CYP39A1: variants seen among roughly 807,000 people sequenced by gnomAD.
The protein encoded by CYP39A1 is cytochrome P450 family 39 subfamily A member 1.
Under a neutral mutation model 58.1 loss-of-function variants are expected in CYP39A1, and 49 were observed. The ratio of observed to expected loss-of-function variants is 0.84; its 90% CI spans 0.67 to 1.07. The LOEUF (loss-of-function observed/expected upper bound fraction) is 1.07, where lower values mean the gene tolerates loss of function less well. Among genes scored for constraint, CYP39A1 ranks in the 50% least tolerant of loss-of-function variants. The pLI is 0.00. For synonymous variants in CYP39A1, 209 were observed against 187.6 expected (o/e 1.11, Z -0.93); for missense variants, 531 against 539.4 (o/e 0.98, Z 0.16).
At chr6:46,574,151 C>T (rs1166069941) in intron 10 of CYP39A1, among the ~76,000 whole-genome samples, 1 of 152,156 alleles carries the variant, frequency 6.6e-6, no homozygotes, top group Non-Finnish European at 1.5e-5. Context: ...TTATCAGCTT[C>T]AGCATAATAT....
chr6:46,631,852 G>A (rs572373951), intron 5 of CYP39A1, among the ~76,000 whole-genome samples: 16 of 152,240 alleles, frequency 1.1e-4, no homozygotes, highest in South Asian at 8.3e-4. Context: ...TTTCTTCATC[G>A]GGCGGTTTCC....
chr6:46,572,361 T>C (rs953238281), intron 10 of CYP39A1, among the ~76,000 whole-genome samples: 1 of 152,162 alleles, frequency 6.6e-6, no homozygotes, highest in Non-Finnish European at 1.5e-5. Context: ...GGTATAGTAG[T>C]GATGAACTCC....
chr6:46,552,248 G>T (rs917533637), intron 11 of CYP39A1, among the ~76,000 whole-genome samples: 2 of 152,088 alleles, frequency 1.3e-5, no homozygotes, highest in Non-Finnish European at 2.9e-5. Flanking sequence ...CAACTCAGTG[G>T]ATCAGGAACT....
chr6:46,593,135 A>C (rs1772942817), intron 8 of CYP39A1, among the ~76,000 whole-genome samples: 1 of 152,166 alleles, frequency 6.6e-6, no homozygotes, highest in Non-Finnish European at 1.5e-5. Context: ...GATTTACACT[A>C]TGCTGAAACT....
At position 46,588,755 on chromosome 6, in the gene CYP39A1, G is replaced by A. The variant is rs937131092; in HGVS notation, c.1066-626C>T. ...GTTAGGAAGACACAGGAAAAGGCAAGTGTTGTGTATTTGTTTGGTTGGGTT... is the reference window on the plus strand; with the variant it reads ...GTTAGGAAGACACAGGAAAAGGCAAATGTTGTGTATTTGTTTGGTTGGGTT... On this transcript the variant is annotated intron_variant, in intron 8 of 11. Coordinates refer to ENST00000275016, the MANE Select transcript of CYP39A1 (RefSeq NM_016593.5). Among the ~76,000 whole-genome samples the A allele has an allele frequency of 2.0e-5, 3 of 152,304 alleles. No homozygotes were observed. In the East Asian group the frequency reaches 5.8e-4, roughly 29 times the overall value.
At chr6:46,622,570 T>A (rs1175499973) in intron 7 of CYP39A1, among the ~76,000 whole-genome samples, 1 of 151,966 alleles carries the variant, frequency 6.6e-6, no homozygotes, top group East Asian at 1.9e-4. Context: ...CTATGATCAT[T>A]CCACTGTACT....
At chr6:46,614,885 C>G (rs545562967) in intron 7 of CYP39A1, among the ~76,000 whole-genome samples, 4 of 152,194 alleles carry the variant, frequency 2.6e-5, no homozygotes, top group Non-Finnish European at 5.9e-5. Flanking sequence ...GACACTGCCA[C>G]TGATGTCAAG....
intron 6 of CYP39A1, among the ~76,000 whole-genome samples, chr6:46,627,750 A>T (rs76699072): frequency 0.079 from 11,948 of 152,170 alleles, 1,532 homozygotes; most frequent in African/African-American, 0.27. Flanking sequence ...TACAGTTTTT[A>T]AAATTTTTTC....
chr6:46,610,027 G>A (rs572847395), intron 7 of CYP39A1, among the ~76,000 whole-genome samples: 6 of 152,176 alleles, frequency 3.9e-5, no homozygotes, highest in South Asian at 4.1e-4. Flanking sequence ...CGCTATCCCC[G>A]CAAATTCTTT....
At chr6:46,627,123 A>T (rs768206318) in intron 6 of CYP39A1, among the ~76,000 whole-genome samples, 65 of 152,140 alleles carry the variant, frequency 4.3e-4, no homozygotes, top group Non-Finnish European at 7.3e-4. Context: ...AAAGCATCAG[A>T]TATTATGAGA....
chr6:46,570,523 G>A (rs1183383840), intron 10 of CYP39A1, among the ~76,000 whole-genome samples: 1 of 152,026 alleles, frequency 6.6e-6, no homozygotes, highest in Non-Finnish European at 1.5e-5. Flanking sequence ...TTGGTATGTT[G>A]TTGTGTTCGT....
chr6:46,556,441 A>G (rs1460639635), intron 10 of CYP39A1, among the ~76,000 whole-genome samples: 1 of 152,200 alleles, frequency 6.6e-6, no homozygotes, highest in East Asian at 1.9e-4. Context: ...ATAGGAGTCT[A>G]CTTGAGTATT....
rs1166348899 is a variant in CYP39A1, at chr6:46,613,631, C to T, written c.931+11787G>A. 2.7e-5 allele frequency among the ~76,000 whole-genome samples: 4 copies of T among 150,720 alleles called. No individual in the cohort carries two copies. The East Asian group carries it at 7.8e-4, about 29-fold the overall frequency. ...TAAAATGGGTGCATGTGTATGCTATCCTATGTTAAAAAGCATAGGTGGAAA... is the reference window on the plus strand; with the variant it reads ...TAAAATGGGTGCATGTGTATGCTATTCTATGTTAAAAAGCATAGGTGGAAA... On this transcript the variant is annotated intron_variant, in intron 7 of 11. Coordinates refer to ENST00000275016, the MANE Select transcript of CYP39A1 (RefSeq NM_016593.5).
chr6:46,594,060 G>T (rs1238554482), intron 8 of CYP39A1, among the ~76,000 whole-genome samples: 5 of 151,988 alleles, frequency 3.3e-5, no homozygotes, highest in Non-Finnish European at 5.9e-5. Flanking sequence ...ATTCATGTTG[G>T]TTGAATCAGT....
chr6:46,578,300 C>T (rs1240264074), intron 10 of CYP39A1, among the ~76,000 whole-genome samples: 1 of 151,906 alleles, frequency 6.6e-6, no homozygotes, highest in African/African-American at 2.4e-5. Flanking sequence ...GTTTACAGCA[C>T]CAAATGCCTA....
intron 10 of CYP39A1, among the ~76,000 whole-genome samples, chr6:46,582,860 A>G (rs1198182132): frequency 6.6e-6 from 1 of 152,040 alleles, no homozygotes; most frequent in Non-Finnish European, 1.5e-5. Context: ...AACTCCCAGA[A>G]CCCTAACCTG....
At chr6:46,650,230 C>A (rs1200770160) in intron 1 of CYP39A1, among the ~76,000 whole-genome samples, 1 of 151,932 alleles carries the variant, frequency 6.6e-6, no homozygotes, top group Non-Finnish European at 1.5e-5. Context: ...TCCTCTCAAG[C>A]TGATCTGAAA....
intron 7 of CYP39A1, among the ~76,000 whole-genome samples, chr6:46,598,380 A>C (rs1773296134): frequency 6.6e-6 from 1 of 152,156 alleles, no homozygotes; most frequent in East Asian, 1.9e-4. Flanking sequence ...CCTATTTTTA[A>C]TGTCTGAAGA....
At chr6:46,577,855 G>A (rs187124634) in intron 10 of CYP39A1, among the ~76,000 whole-genome samples, 1 of 152,148 alleles carries the variant, frequency 6.6e-6, no homozygotes, top group East Asian at 1.9e-4. Flanking sequence ...CACACTGACA[G>A]TGTCAGACAA....
Sources: gnomAD v4.1 joint callset for allele counts (sites outside exome capture counted in the v4.1 genomes callset) on GRCh38, gnomAD v4.1.1 for gene constraint, MANE v1.5 for transcripts, NCBI Gene and HGNC (gene_info 2026-07-23, HGNC 2026-07-21) for gene names.